Variants in CHSY1 observed in about 807,000 individuals in gnomAD.
CHSY1 encodes N-acetylgalactosaminyl-proteoglycan 3-beta-glucuronosyltransferase 1.
A neutral mutation model predicts 59.8 loss-of-function variants in CHSY1; 13 were observed. That is an observed-to-expected ratio of 0.22 (90% CI 0.14 to 0.35). The LOEUF (loss-of-function observed/expected upper bound fraction) is 0.35, where lower values mean the gene tolerates loss of function less well. Among genes scored for constraint, CHSY1 ranks in the 10% least tolerant of loss-of-function variants. CHSY1 has a pLI of 1.00. For synonymous variants in CHSY1, 459 were observed against 401.2 expected (o/e 1.14, Z -1.72); for missense variants, 947 against 1,030.6 (o/e 0.92, Z 1.11).
chr15:101,188,702 T>A (rs1315657865), intron 2 of CHSY1, among the ~76,000 whole-genome samples: 1 of 152,144 alleles, frequency 6.6e-6, no homozygotes, highest in Non-Finnish European at 1.5e-5. Flanking sequence ...TTTTGAGAAT[T>A]AAGCTTAGCA....
At chr15:101,203,705 T>C (rs927339765) in intron 2 of CHSY1, among the ~76,000 whole-genome samples, 9 of 152,208 alleles carry the variant, frequency 5.9e-5, no homozygotes, top group Non-Finnish European at 1.0e-4. Context: ...ACCGAAATCA[T>C]GTGCTCCTGA....
At chr15:101,234,306 CT>C (rs1472067799) in intron 2 of CHSY1, among the ~76,000 whole-genome samples, 1 of 152,154 alleles carries the variant, frequency 6.6e-6, no homozygotes, top group African/African-American at 2.4e-5. Flanking sequence ...ATGCTATTGG[CT>C]TTTTTATACC....
chr15:101,207,078 A>T (rs1400334644), intron 2 of CHSY1, among the ~76,000 whole-genome samples: 4 of 152,246 alleles, frequency 2.6e-5, no homozygotes, highest in Non-Finnish European at 5.9e-5. Context: ...AACAAAACCT[A>T]AAAGGGGAAA....
chr15:101,214,469 T>C (rs1303073481), intron 2 of CHSY1, among the ~76,000 whole-genome samples: 2 of 152,232 alleles, frequency 1.3e-5, no homozygotes, highest in Non-Finnish European at 2.9e-5. Flanking sequence ...CATCTTAAAA[T>C]AATAACTGAA....
In CHSY1 at chr15:101,194,290, T is replaced by C. The variant is rs1374337829; in HGVS notation, c.817-15310A>G. ...AAAAATTTCATTGGAGGTAAACCTGTCTCAACTAATTAAATGTCTCTACTC... is the reference window on the plus strand; with the variant it reads ...AAAAATTTCATTGGAGGTAAACCTGCCTCAACTAATTAAATGTCTCTACTC... On this transcript the variant is annotated intron_variant, in intron 2 of 2. Transcript: ENST00000254190. Among the ~76,000 whole-genome samples, 3 of 152,240 alleles carry C rather than the reference T, an allele frequency of 2.0e-5. No homozygotes were observed. The South Asian group carries it at 6.2e-4, about 32-fold the overall frequency.
At chr15:101,213,058 A>G (rs2038697609) in intron 2 of CHSY1, among the ~76,000 whole-genome samples, 1 of 152,244 alleles carries the variant, frequency 6.6e-6, no homozygotes, top group African/African-American at 2.4e-5. Context: ...GAAAATCTAT[A>G]TTAAAGGAAA....
chr15:101,176,488 C>G lies in CHSY1; in HGVS notation c.*900G>C, dbSNP rs1306534110. On this transcript the variant is annotated 3_prime_UTR_variant, in exon 3 of 3. Coordinates refer to ENST00000254190, the MANE Select transcript of CHSY1 (RefSeq NM_014918.5). ...GGTCAAGAAGAGAAAATGCCAAATC[C>G]TTCTTGAAATTTAATGCCAGGTCTA... is the stretch of plus-strand genomic sequence containing the variant. 5.0e-6 allele frequency: 2 copies of G among 398,230 alleles called. No homozygotes were observed. The highest frequency in any genetic ancestry group is 8.9e-6 in the Non-Finnish European group (2 of 225,972). The allele number at this position is 398,230 out of a possible 1,614,324, so 24.7% of individuals were successfully genotyped here.
intron 2 of CHSY1, among the ~76,000 whole-genome samples, chr15:101,222,050 A>C (rs1481373035): frequency 1.3e-5 from 2 of 152,216 alleles, no homozygotes; most frequent in Non-Finnish European, 2.9e-5. Flanking sequence ...TACCATTACA[A>C]ATTTTTTACA....
rs1567087784 is a variant in CHSY1 at position 101,185,516 on chromosome 15, C to CTCCTT, written c.817-6537_817-6536insAAGGA. Among the ~76,000 whole-genome samples the CTCCTT allele has an allele frequency of 8.0e-5, 12 of 149,568 alleles. No individual in the cohort carries two copies. The East Asian group carries it at 2.0e-3, about 25-fold the overall frequency. On this transcript the variant is annotated intron_variant, in intron 2 of 2. Transcript: ENST00000254190. ...CGCCCTCCATGGAGCACCCTCCATC[C>CTCCTT]CCCTTCCCTGTGAACGCCCTCCATG...
intron 2 of CHSY1, among the ~76,000 whole-genome samples, chr15:101,218,287 A>G (rs1315203689): frequency 1.3e-5 from 2 of 152,238 alleles, no homozygotes; most frequent in Non-Finnish European, 2.9e-5. Context: ...TTATCTTTAT[A>G]ATTTTTCTGT....
At chr15:101,205,859 G>A (rs574340581) in intron 2 of CHSY1, among the ~76,000 whole-genome samples, 18 of 152,242 alleles carry the variant, frequency 1.2e-4, no homozygotes, top group Admixed American at 2.6e-4. Flanking sequence ...GGCTGAGGCA[G>A]GAGAATGGCG....
chr15:101,216,764 G>A (rs116515005), intron 2 of CHSY1, among the ~76,000 whole-genome samples: 1 of 149,222 alleles, frequency 6.7e-6, no homozygotes, highest in African/African-American at 2.5e-5. Flanking sequence ...GAAACACAAG[G>A]ATTTGTAGGG....
chr15:101,241,612 T>C (rs925415862), intron 1 of CHSY1, among the ~76,000 whole-genome samples: 6 of 152,248 alleles, frequency 3.9e-5, no homozygotes, highest in Admixed American at 2.0e-4. Flanking sequence ...TCAATTGTGA[T>C]TTTTAAGCTT....
intron 2 of CHSY1, among the ~76,000 whole-genome samples, chr15:101,229,283 T>A (rs1251992925): frequency 1.3e-5 from 2 of 152,212 alleles, no homozygotes; most frequent in African/African-American, 4.8e-5. Context: ...AGAATGCATT[T>A]TTTAAATGAT....
intron 2 of CHSY1, among the ~76,000 whole-genome samples, chr15:101,221,403 G>C (rs937398878): frequency 8.5e-5 from 13 of 152,274 alleles, no homozygotes; most frequent in Middle Eastern, 3.4e-3. Flanking sequence ...TGGGGCACAA[G>C]AATCTCTTGA....
chr15:101,192,629 T>C (rs1297852065), intron 2 of CHSY1, among the ~76,000 whole-genome samples: 1 of 152,196 alleles, frequency 6.6e-6, no homozygotes, highest in Middle Eastern at 3.2e-3. Context: ...GAGGATCAAC[T>C]AGAATTCTCA....
In CHSY1 at chr15:101,178,815, G is replaced by A. The variant is rs772497432; in HGVS notation, c.982C>T (p.Arg328Cys). ...CGGTGCAGCTGTATTGTGCGATGGC[G>A]GAGCTCGGATATCTTGCGGCTCAGC... Reference protein sequence around the residue: ...YMLSRKISELRHRTIQLHREI... With the variant: ...YMLSRKISELCHRTIQLHREI... Residue 328 changes from arginine (R) to cysteine (C), a missense_variant, in exon 3 of 3, where the codon CGC (arginine) becomes TGC (cysteine). By Grantham distance (180) the Arg-to-Cys change is radical. This residue lies in a region of CHSY1 where 602 missense variants were observed against 676.9 expected (regional missense o/e 0.89). Transcript: ENST00000254190. 5 of 1,614,168 alleles carry A rather than the reference G, an allele frequency of 3.1e-6. No individual in the cohort carries two copies. Among genetic ancestry groups the A allele is most frequent in the South Asian group, 2.2e-5 (2 of 91,080 alleles).
At chr15:101,182,310 T>C (rs890158958) in intron 2 of CHSY1, among the ~76,000 whole-genome samples, 2 of 152,140 alleles carry the variant, frequency 1.3e-5, no homozygotes, top group Admixed American at 1.3e-4. Context: ...CAATATGCAA[T>C]TTTCTGGAGT....
chr15:101,229,732 C>A (rs1475192407), intron 2 of CHSY1, among the ~76,000 whole-genome samples: 1 of 151,920 alleles, frequency 6.6e-6, no homozygotes, highest in Non-Finnish European at 1.5e-5. Context: ...CATGGTGAAA[C>A]CCCATCCCTA....
Sources: gnomAD v4.1 joint callset for allele counts (sites outside exome capture counted in the v4.1 genomes callset) on GRCh38, gnomAD v4.1.1 for gene constraint, gnomAD v4.1.1 regional missense constraint, MANE v1.5 for transcripts, NCBI Gene and HGNC (gene_info 2026-07-23, HGNC 2026-07-21) for gene names.